The following TEKT3 variants were observed in gnomAD, a reference collection of about 807,000 sequenced individuals.
TEKT3 encodes tektin-3.
TEKT3 carries 49 observed loss-of-function variants against 49.8 expected under a neutral mutation model. That is an observed-to-expected ratio of 0.98 (90% CI 0.78 to 1.25). TEKT3 has a LOEUF of 1.25. TEKT3 is among the 50% of genes most tolerant of loss of function. The probability of loss-of-function intolerance (pLI) is 0.00; values close to 1 mark genes in which losing one functional copy is unlikely to be tolerated. For synonymous variants in TEKT3, 225 were observed against 237.2 expected (o/e 0.95, Z 0.47); for missense variants, 595 against 629.5 (o/e 0.95, Z 0.59).
chr17:15,307,245 CAGGTACCTGACAGGGG>C (rs1910590238), intron 8 of TEKT3, among the ~76,000 whole-genome samples: 1 of 152,202 alleles, frequency 6.6e-6, no homozygotes, highest in South Asian at 2.1e-4. Context: ...CAAATGAGAT[CAGGTACCTGACAGGGG>C]GATGGTAAAT....
intron 2 of TEKT3, among the ~76,000 whole-genome samples, chr17:15,333,168 C>T (rs376344234): frequency 2.6e-5 from 4 of 152,208 alleles, no homozygotes; most frequent in South Asian, 4.1e-4. Flanking sequence ...CAGACCACTA[C>T]GTATCTTTTA....
At position 15,332,166 on chromosome 17, in the gene TEKT3, C is replaced by T. The variant is rs556154069; in HGVS notation, c.-29-552G>A. Among the ~76,000 whole-genome samples the T allele has an allele frequency of 4.6e-5, 7 of 152,212 alleles. No homozygotes were observed. The South Asian group carries it at 1.5e-3, about 32-fold the overall frequency. On this transcript the variant is annotated intron_variant, in intron 2 of 8. Coordinates refer to ENST00000395930, the MANE Select transcript of TEKT3 (RefSeq NM_031898.3). Reference sequence around the variant, plus strand: ...TGAGATCGCACCACTGCACTCCAGCCTGGGCTACAGAGAGACTCCGTCTAA... The same window carrying T: ...TGAGATCGCACCACTGCACTCCAGCTTGGGCTACAGAGAGACTCCGTCTAA...
chr17:15,313,870 G>T (rs1217099278), intron 6 of TEKT3, among the ~76,000 whole-genome samples: 2 of 152,166 alleles, frequency 1.3e-5, no homozygotes, highest in African/African-American at 4.8e-5. Context: ...GAAAATATAA[G>T]TAACAAATAT....
At position 15,331,207 on chromosome 17, in the gene TEKT3, G is replaced by C; in HGVS notation, c.379C>G (p.Leu127Val). ...GTTTGTTGATATTTGTCTTGAATCA[G>C]GCGAGATGTATCCACTCTTAGTTTC... ...SEKLRVDTSR[L>V]IQDKYQQTRK... Residue 127 changes from leucine to valine, a missense_variant, in exon 3 of 9, where the codon CTG becomes GTG. By Grantham distance (32) the Leu-to-Val change is conservative. Coordinates refer to ENST00000395930, the MANE Select transcript of TEKT3 (RefSeq NM_031898.3). The C allele has an allele frequency of 6.2e-7, 1 of 1,614,222 alleles. No homozygotes were observed. The highest frequency in any genetic ancestry group is 1.3e-5 in the African/African-American group (1 of 75,048).
intron 4 of TEKT3, among the ~76,000 whole-genome samples, chr17:15,321,879 A>T (rs918312576): frequency 6.6e-6 from 1 of 152,212 alleles, no homozygotes; most frequent in African/African-American, 2.4e-5. Context: ...TGAAATGTTC[A>T]TGAAGCATCT....
At chr17:15,330,915 G>T in intron 3 of TEKT3, 92 bp downstream of exon 3, 1 of 1,312,100 alleles carries the variant, frequency 7.6e-7, no homozygotes. Flanking sequence ...AACAGATGAA[G>T]TAAAACATAA....
upstream of TEKT3, among the ~76,000 whole-genome samples, chr17:15,342,216 C>T (rs563095511): frequency 5.3e-5 from 8 of 152,276 alleles, no homozygotes; most frequent in East Asian, 1.3e-3. Flanking sequence ...AACCTCTTTC[C>T]AAACCTGTAA....
Position 15,308,716 on chromosome 17 carries a change from C to T in TEKT3, c.1204G>A (p.Glu402Lys), listed in dbSNP as rs769096966. The T allele has an allele frequency of 2.5e-6, 4 of 1,613,770 alleles. No individual in the cohort carries two copies. The Admixed American group carries it at 6.7e-5, about 27-fold the overall frequency. ...TCAATGTTCGGCCGTCTTGTGCGCT[C>T]ATCCAGTCTGGTCTGAGCCACCTTC... ...FLKVAQTRLD[E>K]RTRRPNIELC... The change falls in exon 8 of 9, where the codon GAG (glutamate) becomes AAG (lysine). Residue 402 changes from glutamate to lysine, a missense_variant. Coordinates refer to ENST00000395930, the MANE Select transcript of TEKT3 (RefSeq NM_031898.3).
At chr17:15,337,086 G>A (rs1912008736) in intron 2 of TEKT3, among the ~76,000 whole-genome samples, 1 of 151,696 alleles carries the variant, frequency 6.6e-6, no homozygotes, top group Non-Finnish European at 1.5e-5. Flanking sequence ...AAAAATAAAT[G>A]TTTTAATAAA....
intron 6 of TEKT3, among the ~76,000 whole-genome samples, chr17:15,313,509 CTTTT>C (rs1268656083): frequency 6.7e-6 from 1 of 148,182 alleles, no homozygotes; most frequent in Non-Finnish European, 1.5e-5. Context: ...CTGTGTTTTT[CTTTT>C]TTTTTTCTTT....
At chr17:15,338,723 A>G (rs1912102825) in intron 2 of TEKT3, among the ~76,000 whole-genome samples, 5 of 123,440 alleles carry the variant, frequency 4.1e-5, no homozygotes, top group Non-Finnish European at 8.0e-5. Flanking sequence ...TCACCGTGTT[A>G]GCTAGGATGG....
chr17:15,333,021 C>CTT (rs77102758), intron 2 of TEKT3, among the ~76,000 whole-genome samples: 68 of 143,826 alleles, frequency 4.7e-4, no homozygotes, highest in African/African-American at 1.6e-3. Flanking sequence ...CATTGTAGAT[C>CTT]TTTTTTTTTT....
intron 4 of TEKT3, among the ~76,000 whole-genome samples, chr17:15,326,068 C>T (rs1322505907): frequency 6.6e-6 from 1 of 152,072 alleles, no homozygotes; most frequent in Non-Finnish European, 1.5e-5. Flanking sequence ...GAGAACCAGA[C>T]AGTAGAGGAA....
intron 8 of TEKT3, among the ~76,000 whole-genome samples, 161 bp downstream of exon 8, chr17:15,308,503 A>G (rs1910631817): frequency 6.6e-6 from 1 of 152,170 alleles, no homozygotes; most frequent in African/African-American, 2.4e-5. Context: ...ATCATCCCAC[A>G]CTGAAACTCT....
At chr17:15,320,764 G>C (rs1261695548) in intron 4 of TEKT3, among the ~76,000 whole-genome samples, 1 of 152,132 alleles carries the variant, frequency 6.6e-6, no homozygotes, top group East Asian at 1.9e-4. Flanking sequence ...TTGTGCATCA[G>C]TCTTAGTATT....
upstream of TEKT3, chr17:15,341,711 A>G (rs1270599632): frequency 6.6e-6 from 1 of 152,264 alleles, no homozygotes; most frequent in Non-Finnish European, 1.5e-5. Flanking sequence ...CTGGCCAGTT[A>G]TAGGAGAGGC....
chr17:15,315,406 C>T (rs1432057835), intron 5 of TEKT3, among the ~76,000 whole-genome samples: 2 of 152,070 alleles, frequency 1.3e-5, no homozygotes, highest in Non-Finnish European at 2.9e-5. Context: ...TGGTGCTGGG[C>T]TGAGAACAGA....
rs113276639 is a variant in TEKT3, at chr17:15,304,745, G to A, written c.1257-593C>T. Among the ~76,000 whole-genome samples the A allele has an allele frequency of 1.3e-5, 2 of 152,128 alleles. No homozygotes were observed. Among genetic ancestry groups the A allele is most frequent in the South Asian group, 2.1e-4 (1 of 4,826 alleles). Reference sequence around the variant, plus strand: ...TCTCATCATCTGCAGACACATCCTGGAATATGCTTGCAATTTCTCAGACCT... The same window carrying A: ...TCTCATCATCTGCAGACACATCCTGAAATATGCTTGCAATTTCTCAGACCT... On this transcript the variant is annotated intron_variant, in intron 8 of 8. Transcript: ENST00000395930. This position sits in a 1 kb window ranked among gnomAD's most constrained non-coding sequence, Gnocchi z 4.7.
At position 15,331,041 on chromosome 17, in the gene TEKT3, T is replaced by C. The variant is rs554008460; in HGVS notation, c.545A>G (p.Glu182Gly). 1 of 1,613,798 alleles carries C rather than the reference T, an allele frequency of 6.2e-7. No individual in the cohort carries two copies. Among genetic ancestry groups the C allele is most frequent in the Non-Finnish European group, 8.5e-7 (1 of 1,179,856 alleles). Residue 182 changes from glutamate to glycine, a missense_variant, in exon 3 of 9, where the codon GAG (glutamate) becomes GGG (glycine). By Grantham distance (98) the Glu-to-Gly change is moderately conservative. Coordinates refer to ENST00000395930, the MANE Select transcript of TEKT3 (RefSeq NM_031898.3). The stretch of plus-strand genomic sequence containing the variant: ...GGCTTCAGTCTCCATCAAAGCCCGC[T>C]CCAGTCTTTTCTTCACATCAGTAAG... Reference protein sequence around the residue: ...NALTDVKKRLERALMETEAPL... With the variant: ...NALTDVKKRLGRALMETEAPL...
Sources: allele counts gnomAD v4.1 joint callset (sites outside exome capture counted in the v4.1 genomes callset), GRCh38; gene constraint gnomAD v4.1.1; non-coding constraint Gnocchi (gnomAD v3.1); transcripts MANE v1.5; gene names NCBI Gene and HGNC (gene_info 2026-07-23, HGNC 2026-07-21).